Variants in FTCDNL1 observed in about 807,000 individuals in gnomAD.
FTCDNL1 encodes formiminotransferase cyclodeaminase N-terminal like, also known as formiminotransferase N-terminal subdomain-containing protein.
A neutral mutation model predicts 5.9 loss-of-function variants in FTCDNL1; 11 were observed. That is an observed-to-expected ratio of 1.87 (90% CI 1.18 to 3.10). FTCDNL1 has a LOEUF of 3.10. Among genes scored for constraint, FTCDNL1 ranks in the 30% most tolerant of loss-of-function variants. FTCDNL1 has a pLI of 0.00. For missense variants in FTCDNL1, 115 were observed against 65.5 expected (o/e 1.76, Z -2.61); for synonymous variants, 58 against 24.8 (o/e 2.34, Z -3.99).
chr2:199,746,574 T>C, the FTCDNL1 span, among the ~76,000 whole-genome samples: 13 of 151,742 alleles, frequency 8.6e-5, no homozygotes, highest in Non-Finnish European at 1.5e-4. Context: ...TTAAAAGCAA[T>C]AGGCTTTGTT....
intron 3 of FTCDNL1, among the ~76,000 whole-genome samples, chr2:199,830,561 C>T (rs1702303881): frequency 6.6e-6 from 1 of 152,182 alleles, no homozygotes; most frequent in African/African-American, 2.4e-5. Context: ...GTATTCGTCC[C>T]ATATGCTCTG....
rs1699444838 is a variant in FTCDNL1 at position 199,782,950 on chromosome 2, T to C, written c.212-22115A>G. Among the ~76,000 whole-genome samples, 3 of 152,346 alleles carry C rather than the reference T, an allele frequency of 2.0e-5. No individual in the cohort carries two copies. The South Asian group carries it at 6.2e-4, about 32-fold the overall frequency. On this transcript the variant is annotated intron_variant, in intron 3 of 3. Transcript: ENST00000416668. The stretch of plus-strand genomic sequence containing the variant: ...TTTGGGGTGGTCATCCTTAACATAT[T>C]GTCAACCATTCTTGACTTCTTTTGA...
At chr2:199,783,162 T>C (rs531929089) in intron 3 of FTCDNL1, among the ~76,000 whole-genome samples, 4 of 152,282 alleles carry the variant, frequency 2.6e-5, no homozygotes, top group South Asian at 2.1e-4. Flanking sequence ...CCCTAGACAA[T>C]AGAAGACGCC....
intron 3 of FTCDNL1, among the ~76,000 whole-genome samples, chr2:199,795,143 C>T (rs1401908807): frequency 6.6e-6 from 1 of 152,204 alleles, no homozygotes; most frequent in Non-Finnish European, 1.5e-5. Flanking sequence ...AACCCAATGC[C>T]TGACATACAA....
chr2:199,718,246 G>A, the FTCDNL1 span, among the ~76,000 whole-genome samples: 737 of 152,102 alleles, frequency 4.8e-3, 3 homozygotes, highest in Admixed American at 7.7e-3. Context: ...AGTGTCCAAT[G>A]TCCACTATTC....
intron 3 of FTCDNL1, among the ~76,000 whole-genome samples, chr2:199,790,497 C>CA (rs375948736): frequency 0.067 from 4,762 of 71,056 alleles, 117 homozygotes; most frequent in Non-Finnish European, 0.091. Flanking sequence ...GACTCTGTCT[C>CA]AAAAAAAAAA....
chr2:199,688,325 AG>A, the FTCDNL1 span, among the ~76,000 whole-genome samples: 1 of 152,118 alleles, frequency 6.6e-6, no homozygotes, highest in African/African-American at 2.4e-5. Flanking sequence ...ACTGTAATCC[AG>A]GGGCTTTGGG....
chr2:199,812,816 C>A, intron 4 of FTCDNL1, 92 bp from the exon 5 acceptor site: 1 of 601,074 alleles, frequency 1.7e-6, no homozygotes. Flanking sequence ...GTGTTTACTC[C>A]TAGTTAAATA....
intron 3 of FTCDNL1, among the ~76,000 whole-genome samples, chr2:199,776,918 A>G (rs988284416): frequency 6.8e-5 from 10 of 146,164 alleles, no homozygotes; most frequent in Non-Finnish European, 1.3e-4. Context: ...ATGTGTATGT[A>G]TATATATATA....
intron 3 of FTCDNL1, among the ~76,000 whole-genome samples, chr2:199,835,882 C>G (rs1702698692): frequency 6.6e-6 from 1 of 152,146 alleles, no homozygotes; most frequent in South Asian, 2.1e-4. Context: ...AACTTTGAGG[C>G]CCCCTGGGGC....
At chr2:199,675,496 T>A in the FTCDNL1 span, among the ~76,000 whole-genome samples, 1 of 152,314 alleles carries the variant, frequency 6.6e-6, no homozygotes, top group African/African-American at 2.4e-5. Flanking sequence ...CATATAAGAT[T>A]CAGTAGTGAA....
chr2:199,839,072 C>T (rs1264090376), intron 3 of FTCDNL1, among the ~76,000 whole-genome samples: 1 of 152,076 alleles, frequency 6.6e-6, no homozygotes, highest in East Asian at 1.9e-4. Flanking sequence ...CAAACCCCAC[C>T]TGCACACTTG....
intron 3 of FTCDNL1, among the ~76,000 whole-genome samples, chr2:199,833,555 T>C (rs1574655988): frequency 1.3e-5 from 2 of 152,366 alleles, no homozygotes; most frequent in East Asian, 3.9e-4. Flanking sequence ...GGAATCCTTC[T>C]GCTGGATAAC....
At chr2:199,721,372 T>C in the FTCDNL1 span, among the ~76,000 whole-genome samples, 1 of 152,296 alleles carries the variant, frequency 6.6e-6, no homozygotes, top group South Asian at 2.1e-4. Context: ...CATGCAGTGT[T>C]CGGTTTTCTG....
rs1191870746 is a variant in FTCDNL1 at position 199,819,732 on chromosome 2, A to G, written c.237T>C (p.His79=). 7.1e-6 allele frequency: 5 copies of G among 702,266 alleles called. No individual in the cohort carries two copies. In the Admixed American group the frequency reaches 8.0e-5, roughly 11 times the overall value. 43.5% of individuals were successfully genotyped at this position (702,266 alleles called of 1,614,324 possible). ...KLGLAEDLVL[H]VPGCSVFLFG... ...AGAGAAACACGCTGCAGCCAGGAACATGCAGCACCAGATCCTCAGCAAGGC... is the reference window on the plus strand; with the variant it reads ...AGAGAAACACGCTGCAGCCAGGAACGTGCAGCACCAGATCCTCAGCAAGGC... The change falls in exon 4 of 5, where the codon CAT becomes CAC. Residue 79 remains histidine, a synonymous_variant. Coordinates refer to ENST00000420128, the MANE Select transcript of FTCDNL1 (RefSeq NM_001363886.2).
chr2:199,813,866 G>A (rs888611684), intron 4 of FTCDNL1, among the ~76,000 whole-genome samples: 4 of 137,656 alleles, frequency 2.9e-5, no homozygotes, highest in Non-Finnish European at 6.0e-5. Context: ...AGCAGAGATC[G>A]CCTTGCCACT....
chr2:199,834,296 G>A (rs1702566956), intron 3 of FTCDNL1, among the ~76,000 whole-genome samples: 1 of 152,146 alleles, frequency 6.6e-6, no homozygotes, highest in Non-Finnish European at 1.5e-5. Flanking sequence ...CGGACTTCTA[G>A]CCTCCAGGAT....
At chr2:199,729,585 G>C in the FTCDNL1 span, among the ~76,000 whole-genome samples, 12,469 of 152,192 alleles carry the variant, frequency 0.082, 1,048 homozygotes, top group African/African-American at 0.19. Context: ...CAAATAATGA[G>C]TGACTTCCCA....
At chr2:199,694,064 C>T in the FTCDNL1 span, among the ~76,000 whole-genome samples, 6 of 152,214 alleles carry the variant, frequency 3.9e-5, no homozygotes, top group East Asian at 5.8e-4. Flanking sequence ...GTGGCCACCT[C>T]TGGGACTGCA....
Sources: allele counts gnomAD v4.1 joint callset (sites outside exome capture counted in the v4.1 genomes callset), GRCh38; gene constraint gnomAD v4.1.1; transcripts MANE v1.5; gene names NCBI Gene and HGNC (gene_info 2026-07-23, HGNC 2026-07-21).